Variants in PUS7 observed in about 807,000 individuals in gnomAD.
The protein encoded by PUS7 is pseudouridine synthase 7.
PUS7 carries 48 observed loss-of-function variants against 79.8 expected under a neutral mutation model. The ratio of observed to expected loss-of-function variants is 0.60; its 90% CI spans 0.48 to 0.76. The LOEUF (loss-of-function observed/expected upper bound fraction) is 0.76, where lower values mean the gene tolerates loss of function less well. Ranked by LOEUF, PUS7 falls within the 30% of genes least tolerant of loss-of-function variation. PUS7 has a pLI of 0.00. For missense variants in PUS7, 729 were observed against 797.6 expected (o/e 0.91, Z 1.04); for synonymous variants, 286 against 272.2 (o/e 1.05, Z -0.50).
chr7:105,489,202 TGAC>T (rs1824684915), intron 7 of PUS7, among the ~76,000 whole-genome samples: 3 of 137,668 alleles, frequency 2.2e-5, no homozygotes, highest in African/African-American at 8.2e-5. Flanking sequence ...CAAAATAAAC[TGAC>T]TTTTTTTTTT....
chr7:105,474,302 C>G (rs1313422936), intron 9 of PUS7, among the ~76,000 whole-genome samples: 1 of 152,072 alleles, frequency 6.6e-6, no homozygotes, highest in Non-Finnish European at 1.5e-5. Context: ...TATTGCTGGC[C>G]ACCACCACAG....
At chr7:105,482,270 G>T in intron 8 of PUS7, 42 bp downstream of exon 8, 1 of 1,598,060 alleles carries the variant, frequency 6.3e-7, no homozygotes. Context: ...AAGATGCCCT[G>T]GCCAGACCCT....
chr7:105,489,147 C>CAAAAAAAAAAAA (rs762504334), intron 7 of PUS7, among the ~76,000 whole-genome samples: 4 of 33,690 alleles, frequency 1.2e-4, no homozygotes, highest in African/African-American at 3.7e-4. Context: ...AACTCCATCT[C>CAAAAAAAAAAAA]AAAAAAAAAA....
intron 1 of PUS7, among the ~76,000 whole-genome samples, chr7:105,512,099 T>C (rs1375733375): frequency 8.1e-6 from 1 of 123,496 alleles, no homozygotes; most frequent in East Asian, 2.6e-4. Context: ...GAGTCGGGAC[T>C]GCACCACTGC....
Position 105,465,426 on chromosome 7 carries a change from C to T in PUS7, c.1526-12G>A. The T allele has an allele frequency of 6.4e-7, 1 of 1,553,962 alleles. No homozygotes were observed. The highest frequency in any genetic ancestry group is 8.9e-7 in the Non-Finnish European group (1 of 1,128,742). On this transcript the variant is annotated splice_polypyrimidine_tract_variant and intron_variant, in intron 12 of 15. Coordinates refer to ENST00000469408, the MANE Select transcript of PUS7 (RefSeq NM_019042.5). ...ATAGGTGGCTGTGGCTGTAAATTCA[C>T]AAGTGAACAATAAATTAAGAAAATA...
At chr7:105,501,465 A>G (rs1323511559) in intron 5 of PUS7, among the ~76,000 whole-genome samples, 1 of 152,198 alleles carries the variant, frequency 6.6e-6, no homozygotes, top group East Asian at 1.9e-4. Flanking sequence ...TGTAGATAAC[A>G]CATTAGAACA....
intron 1 of PUS7, among the ~76,000 whole-genome samples, chr7:105,508,871 TAAAAAAAAAA>T (rs34249093): frequency 6.1e-4 from 14 of 22,926 alleles, no homozygotes; most frequent in South Asian, 4.8e-3. Context: ...GACATTGTCT[TAAAAAAAAAA>T]AAAAAAAAAA....
At chr7:105,508,576 C>T in intron 1 of PUS7, 32 bp from the exon 2 acceptor site, 3 of 1,555,178 alleles carry the variant, frequency 1.9e-6, no homozygotes, top group Non-Finnish European at 2.6e-6. Context: ...TAACAATCAC[C>T]TATATAAAAG....
intron 11 of PUS7, 81 bp from the exon 12 acceptor site, chr7:105,468,544 G>A (rs1823752196): frequency 6.3e-6 from 8 of 1,276,820 alleles, no homozygotes; most frequent in African/African-American, 1.5e-5. Flanking sequence ...TTGAGATGGG[G>A]TCTTGCTCTC....
At chr7:105,471,466 T>G (rs1321845254) in intron 10 of PUS7, among the ~76,000 whole-genome samples, 1 of 152,236 alleles carries the variant, frequency 6.6e-6, no homozygotes, top group Non-Finnish European at 1.5e-5. Flanking sequence ...ATATATTCAT[T>G]TTTAAAATAT....
chr7:105,505,571 G>A (rs994400190), intron 4 of PUS7, among the ~76,000 whole-genome samples: 4 of 152,078 alleles, frequency 2.6e-5, no homozygotes, highest in African/African-American at 9.7e-5. Flanking sequence ...AACAACATAT[G>A]TCGCTGTTCA....
At chr7:105,474,167 T>C (rs1202075719) in intron 9 of PUS7, among the ~76,000 whole-genome samples, 1 of 152,202 alleles carries the variant, frequency 6.6e-6, no homozygotes, top group Non-Finnish European at 1.5e-5. Flanking sequence ...TTCTTTATTT[T>C]CACATTTAAG....
chr7:105,487,083 A>T (rs1562802360), intron 7 of PUS7, among the ~76,000 whole-genome samples: 1 of 151,902 alleles, frequency 6.6e-6, no homozygotes, highest in African/African-American at 2.4e-5. Context: ...AAAATAAATA[A>T]ATATATATAT....
chr7:105,506,279 G>T lies in PUS7; in HGVS notation c.399-6C>A. 1 of 1,593,472 alleles carries T rather than the reference G, an allele frequency of 6.3e-7. No homozygotes were observed. On this transcript the variant is annotated splice_polypyrimidine_tract_variant and splice_region_variant and intron_variant, in intron 2 of 15. Coordinates refer to ENST00000469408, the MANE Select transcript of PUS7 (RefSeq NM_019042.5). ...GAACAACGAAGTCGGAGTATCTGAT[G>T]AAAGAAAACATGAACTTTCAGATAA...
intron 1 of PUS7, among the ~76,000 whole-genome samples, chr7:105,515,447 T>C (rs1055363978): frequency 6.6e-6 from 1 of 152,216 alleles, no homozygotes; most frequent in Admixed American, 6.5e-5. Flanking sequence ...TCTGACGTTT[T>C]TGATTATTTT....
intron 8 of PUS7, 48 bp from the exon 9 acceptor site, chr7:105,481,225 C>T (rs760764475): frequency 1.9e-6 from 3 of 1,549,400 alleles, no homozygotes; most frequent in Admixed American, 1.9e-5. Context: ...CAGTCAAATA[C>T]TCAGGGATGC....
At chr7:105,518,250 C>T (rs905072118) in intron 1 of PUS7, among the ~76,000 whole-genome samples, 9 of 152,040 alleles carry the variant, frequency 5.9e-5, no homozygotes, top group Admixed American at 5.2e-4. Flanking sequence ...GACGTTGAGG[C>T]TGCAGTAAGC....
chr7:105,462,072 A>T (rs201025031), intron 14 of PUS7: 2 of 144,810 alleles, frequency 1.4e-5, no homozygotes, highest in African/African-American at 5.0e-5. Context: ...GAAAGAAAAG[A>T]AAAAGATAGA....
chr7:105,476,812 A>C (rs189407910), intron 9 of PUS7, among the ~76,000 whole-genome samples: 33 of 152,292 alleles, frequency 2.2e-4, no homozygotes, highest in African/African-American at 7.9e-4. Flanking sequence ...ACGGATATGA[A>C]GTGGTACCTC....
Sources: gnomAD v4.1 joint callset for allele counts (sites outside exome capture counted in the v4.1 genomes callset) on GRCh38, gnomAD v4.1.1 for gene constraint, MANE v1.5 for transcripts, NCBI Gene and HGNC (gene_info 2026-07-23, HGNC 2026-07-21) for gene names.